The following TYK2 variants were observed in gnomAD, a reference collection of about 807,000 sequenced individuals.
TYK2 encodes non-receptor tyrosine-protein kinase TYK2.
TYK2 carries 65 observed loss-of-function variants against 130.9 expected under a neutral mutation model. The observed-to-expected ratio is 0.50, with a 90% confidence interval of 0.41 to 0.61. TYK2 has a LOEUF of 0.61. Among genes scored for constraint, TYK2 ranks in the 20% least tolerant of loss-of-function variants. The pLI, the probability that TYK2 is intolerant of heterozygous loss-of-function variation, is 0.00. For missense variants in TYK2, 1,378 were observed against 1,610.7 expected (o/e 0.86, Z 2.47); for synonymous variants, 647 against 658.9 (o/e 0.98, Z 0.28).
At chr19:10,366,913 G>A (rs953500041) in intron 5 of TYK2, among the ~76,000 whole-genome samples, 14 of 151,718 alleles carry the variant, frequency 9.2e-5, no homozygotes, top group African/African-American at 1.9e-4. Flanking sequence ...GTGTGGTGGC[G>A]CATGTCTGTA....
At position 10,351,196 on chromosome 19, in the gene TYK2, G is replaced by C. The variant is rs1333666615; in HGVS notation, c.3319-34C>G. ...TAAACAAGACAAGCTCTTTTCAAGA[G>C]GCAATGAAAGGCAGGCACGGTGGCT... is the stretch of plus-strand genomic sequence containing the variant. On this transcript the variant is annotated intron_variant, in intron 23 of 24. Coordinates refer to ENST00000525621, the MANE Select transcript of TYK2 (RefSeq NM_003331.5). 3.2e-6 allele frequency: 5 copies of C among 1,564,258 alleles called. No individual in the cohort carries two copies. The Admixed American group carries it at 5.1e-5, about 16-fold the overall frequency.
At position 10,364,980 on chromosome 19, in the gene TYK2, C is replaced by T. The variant is rs1051171986; in HGVS notation, c.1080G>A (p.Lys360=). The change falls in exon 8 of 25, where the codon AAG becomes AAA. Residue 360 remains lysine, a synonymous_variant. Coordinates refer to ENST00000525621, the MANE Select transcript of TYK2 (RefSeq NM_003331.5). This position sits in a 1 kb window ranked among gnomAD's most constrained non-coding sequence, Gnocchi z 4.9. ...SLFGKKAKAH[K]AVGQPADRPR... The stretch of plus-strand genomic sequence containing the variant: ...GCCTGTCTGCCGGCTGGCCGACTGC[C>T]TTGTGAGCCTTGGCCTTCTTCCCAA... The T allele has an allele frequency of 4.3e-6, 7 of 1,613,788 alleles. No individual in the cohort carries two copies. The Admixed American group carries it at 1.0e-4, about 23-fold the overall frequency.
rs1341175994 is a variant in TYK2 at position 10,365,902 on chromosome 19, G to A, written c.630-4C>T. The A allele has an allele frequency of 6.2e-7, 1 of 1,604,062 alleles. No homozygotes were observed. The highest frequency in any genetic ancestry group is 1.3e-5 in the African/African-American group (1 of 74,824). On this transcript the variant is annotated splice_region_variant and splice_polypyrimidine_tract_variant and intron_variant, in intron 6 of 24. Transcript: ENST00000525621. ...GCGCGGGATGCAGTCCTTGAAGCTG[G>A]GGGGAAACACAGTGAGGGGCTGGTC...
chr19:10,368,725 C>A (rs771912321), intron 3 of TYK2: 27 of 395,848 alleles, frequency 6.8e-5, no homozygotes, highest in Non-Finnish European at 1.2e-4. Flanking sequence ...CCTTCACCAC[C>A]CGAGGTATGA....
intron 3 of TYK2, 63 bp downstream of exon 3, chr19:10,378,151 T>A: frequency 6.4e-7 from 1 of 1,563,358 alleles, no homozygotes; most frequent in Non-Finnish European, 8.8e-7. Context: ...GACGGATGGA[T>A]GGGGCCCAGC....
At chr19:10,357,596 A>ATT (rs2041163799) in intron 17 of TYK2, 168 bp downstream of exon 17, 3 of 907,836 alleles carry the variant, frequency 3.3e-6, no homozygotes, top group Non-Finnish European at 5.2e-6. Context: ...AGGACCTAAA[A>ATT]AGGCTGGGAC....
At position 10,365,531 on chromosome 19, in the gene TYK2, C is replaced by T. The variant is rs1158281328; in HGVS notation, c.997G>A (p.Val333Met). ...GCCTTGCTCACCTCCTCCTTGTTCACCTCCTCCTCTACTGGCCACCACTGG... is the reference window on the plus strand; with the variant it reads ...GCCTTGCTCACCTCCTCCTTGTTCATCTCCTCCTCTACTGGCCACCACTGG... The part of the protein sequence containing the change: ...GIQWWPVEEE[V>M]NKEEGSSGSS... The change falls in exon 7 of 25, where the codon GTG (valine) becomes ATG (methionine). Residue 333 changes from valine (V) to methionine (M), a missense_variant. Transcript: ENST00000525621. 3.1e-6 allele frequency: 5 copies of T among 1,614,032 alleles called. No homozygotes were observed. The East Asian group carries it at 6.7e-5, about 22-fold the overall frequency.
chr19:10,366,816 G>A (rs151217634), intron 5 of TYK2, among the ~76,000 whole-genome samples: 5 of 151,988 alleles, frequency 3.3e-5, no homozygotes, highest in South Asian at 2.1e-4. Flanking sequence ...AGGCCAAGGC[G>A]GGCGGGTCAC....
At chr19:10,358,173 G>A (rs1230286019) in intron 15 of TYK2, 35 bp from the exon 16 acceptor site, 3 of 1,582,476 alleles carry the variant, frequency 1.9e-6, no homozygotes, top group Middle Eastern at 3.9e-4. Flanking sequence ...TGGCCACTCA[G>A]GAGAGGCACA....
In TYK2 at chr19:10,365,459, A is replaced by G. The variant is rs2041614024; in HGVS notation, c.1011+58T>C. 6 of 1,606,968 alleles carry G rather than the reference A, an allele frequency of 3.7e-6. No homozygotes were observed. In the South Asian group the frequency reaches 5.5e-5, roughly 15 times the overall value. ...TCAGAGGCTAGGGTCAAGGATGAAC[A>G]CAGAAACCCACCCCAGCCCAACCTG... On this transcript the variant is annotated intron_variant, in intron 7 of 24. Transcript: ENST00000525621.
rs957265892 is a variant in TYK2, at chr19:10,352,686, G to T, written c.3201-135C>A. On this transcript the variant is annotated intron_variant, in intron 22 of 24. Transcript: ENST00000525621. ...ACCCACCCTTAAGAGCGCAGCCTGA[G>T]CGGGGTGATATGCTCATTGGCTAGG... 4.2e-6 allele frequency: 3 copies of T among 720,430 alleles called. No homozygotes were observed. The African/African-American group carries it at 5.3e-5, about 13-fold the overall frequency. 44.6% of individuals were successfully genotyped at this position (720,430 alleles called of 1,614,324 possible).
chr19:10,364,602 C>A lies in TYK2; in HGVS notation c.1367+12G>T, dbSNP rs1318205609. 1.2e-6 allele frequency: 2 copies of A among 1,613,484 alleles called. No homozygotes were observed. Among genetic ancestry groups the A allele is most frequent in the Non-Finnish European group, 1.7e-6 (2 of 1,179,988 alleles). ...TGGCGGTGGCCCCCAGCGCCCCCCA[C>A]CCAGCACTCACAGCAGGGGTCCGTG... On this transcript the variant is annotated intron_variant, in intron 9 of 24. Transcript: ENST00000525621. This position sits in a 1 kb window ranked among gnomAD's most constrained non-coding sequence, Gnocchi z 4.9.
At chr19:10,379,062 T>C (rs1471296232) in intron 2 of TYK2, among the ~76,000 whole-genome samples, 1 of 152,074 alleles carries the variant, frequency 6.6e-6, no homozygotes, top group Non-Finnish European at 1.5e-5. Context: ...TTTTGCCATG[T>C]TGGCCAGGCT....
In TYK2 at chr19:10,351,093, G is replaced by C. The variant is rs779037308; in HGVS notation, c.3388C>G (p.Arg1130Gly). 1.2e-5 allele frequency: 19 copies of C among 1,613,994 alleles called. No individual in the cohort carries two copies. Among genetic ancestry groups the C allele is most frequent in the Non-Finnish European group, 1.6e-5 (19 of 1,180,034 alleles). Residue 1130 changes from arginine (R) to glycine (G), a missense_variant, in exon 24 of 25, where the codon CGA (arginine) becomes GGA (glycine). Coordinates refer to ENST00000525621, the MANE Select transcript of TYK2 (RefSeq NM_003331.5). ...TCGGGCCGTGGCAGCCTCTCCCCTC[G>C]TTCCAGCAACTCAGTGAGTCTCAGA... The part of the protein sequence containing the change: ...TVLRLTELLE[R>G]GERLPRPDKC...
At chr19:10,365,316 C>T (rs192036904) in intron 7 of TYK2, among the ~76,000 whole-genome samples, 1 of 152,170 alleles carries the variant, frequency 6.6e-6, no homozygotes, top group Non-Finnish European at 1.5e-5. Flanking sequence ...CCTGGAGGTG[C>T]AGACCCCAGA....
rs377243750 is a variant in TYK2 at position 10,365,092 on chromosome 19, C to T, written c.1012-44G>A. The T allele has an allele frequency of 2.7e-5, 41 of 1,546,180 alleles. No homozygotes were observed. The African/African-American group carries it at 5.4e-4, about 20-fold the overall frequency. ...GGGCAGAGGATGGAGAGGGCAATGC[C>T]CGTTTATACCTCCTGCACTTTCCCC... On this transcript the variant is annotated intron_variant, in intron 7 of 24. Transcript: ENST00000525621.
intron 5 of TYK2, among the ~76,000 whole-genome samples, chr19:10,367,756 TA>T (rs1277600269): frequency 1.3e-5 from 2 of 149,778 alleles, no homozygotes; most frequent in African/African-American, 2.5e-5. Context: ...CCGTCTCCAC[TA>T]AAAATACAAA....
At chr19:10,372,184 G>A (rs1352621657) in intron 3 of TYK2, among the ~76,000 whole-genome samples, 2 of 150,958 alleles carry the variant, frequency 1.3e-5, no homozygotes, top group Admixed American at 6.6e-5. Flanking sequence ...TAGTAGAGAC[G>A]GGGTTTCACC....
intron 19 of TYK2, 95 bp from the exon 20 acceptor site, chr19:10,354,329 TTTC>T: frequency 6.7e-7 from 1 of 1,496,936 alleles, no homozygotes; most frequent in Non-Finnish European, 9.2e-7. Flanking sequence ...AGGCAGATCC[TTTC>T]GGAATACCCC....
Sources: allele counts gnomAD v4.1 joint callset (sites outside exome capture counted in the v4.1 genomes callset), GRCh38; gene constraint gnomAD v4.1.1; non-coding constraint Gnocchi (gnomAD v3.1); transcripts MANE v1.5; gene names NCBI Gene and HGNC (gene_info 2026-07-23, HGNC 2026-07-21).